The following TRIM25 variants were observed in gnomAD, a reference collection of about 807,000 sequenced individuals.
TRIM25 encodes tripartite motif containing 25.
Under a neutral mutation model 65.2 loss-of-function variants are expected in TRIM25, and 45 were observed. The observed-to-expected ratio is 0.69, with a 90% CI of 0.54 to 0.89. TRIM25 has a LOEUF of 0.89. TRIM25 is among the 40% of genes least tolerant of loss of function. The pLI is 0.00. For synonymous variants in TRIM25, 321 were observed against 340.4 expected (o/e 0.94, Z 0.63); for missense variants, 714 against 803.7 (o/e 0.89, Z 1.35).
intron 8 of TRIM25, among the ~76,000 whole-genome samples, chr17:56,894,248 G>A (rs902936636): frequency 2.0e-5 from 3 of 152,046 alleles, no homozygotes; most frequent in Non-Finnish European, 4.4e-5. Context: ...GGGGTTTTTT[G>A]TTTGTTTGTT....
intron 2 of TRIM25, among the ~76,000 whole-genome samples, chr17:56,907,360 C>A (rs574907423): frequency 6.6e-6 from 1 of 152,312 alleles, no homozygotes; most frequent in South Asian, 2.1e-4. Context: ...GTCTCACAGT[C>A]ATCTTCAGAA....
Position 56,895,972 on chromosome 17 carries a change from GATTTA to G in TRIM25, c.1154-25_1154-21del. 6.2e-7 allele frequency: 1 copy of G among 1,610,250 alleles called. No homozygotes were observed. On this transcript the variant is annotated intron_variant, in intron 5 of 8. Coordinates refer to ENST00000316881, the MANE Select transcript of TRIM25 (RefSeq NM_005082.5). ...CCTCTTCTGCAAAAGAAAGTTTTCA[GATTTA>G]ATTTCTTTTAAGGCACAACACAATG...
rs1909130854 is a variant in TRIM25, at chr17:56,889,802, A to G, written c.*1898T>C. 1 of 398,650 alleles carries G rather than the reference A, an allele frequency of 2.5e-6. No individual in the cohort carries two copies. Among genetic ancestry groups the G allele is most frequent in the Non-Finnish European group, 4.4e-6 (1 of 226,072 alleles). The allele number at this position is 398,650 out of a possible 1,614,324, so 24.7% of individuals were successfully genotyped here. A position where few individuals can be genotyped will look rare whatever the true frequency, so the allele number is the denominator to read the frequency against. ...ACAAGGCTTTCGTTTCAGAAAATCA[A>G]TGAAGATGCTTTTGATCATCTTCAA... is the stretch of plus-strand genomic sequence containing the variant. On this transcript the variant is annotated 3_prime_UTR_variant, in exon 9 of 9. Transcript: ENST00000316881.
At chr17:56,899,756 G>A (rs1272982545) in intron 4 of TRIM25, among the ~76,000 whole-genome samples, 1 of 152,242 alleles carries the variant, frequency 6.6e-6, no homozygotes, top group African/African-American at 2.4e-5. Context: ...GCCAGGCTCT[G>A]TGCTAGGCAC....
rs947546338 is a variant in TRIM25 at position 56,890,816 on chromosome 17, C to G, written c.*884G>C. 5 of 456,654 alleles carry G rather than the reference C, an allele frequency of 1.1e-5. No individual in the cohort carries two copies. Among genetic ancestry groups the G allele is most frequent in the Non-Finnish European group, 1.8e-5 (4 of 226,970 alleles). The allele number at this position is 456,654 out of a possible 1,614,324, so 28.3% of individuals were successfully genotyped here. On this transcript the variant is annotated 3_prime_UTR_variant, in exon 9 of 9. Coordinates refer to ENST00000316881, the MANE Select transcript of TRIM25 (RefSeq NM_005082.5). ...GGCTTCTGTTGATCCAGGGCAGCATCCCCCTCGCCTGGCAGAGTTCCTTGC... is the reference window on the plus strand; with the variant it reads ...GGCTTCTGTTGATCCAGGGCAGCATGCCCCTCGCCTGGCAGAGTTCCTTGC...
chr17:56,895,065 G>A (rs561699856), intron 8 of TRIM25, among the ~76,000 whole-genome samples: 15 of 152,350 alleles, frequency 9.8e-5, no homozygotes, highest in African/African-American at 3.6e-4. Context: ...TCTCTGCAGA[G>A]GACATGCAGG....
chr17:56,906,271 A>G (rs145670150), intron 2 of TRIM25, among the ~76,000 whole-genome samples: 86 of 152,334 alleles, frequency 5.6e-4, no homozygotes, highest in Admixed American at 2.5e-3. Flanking sequence ...TCCTTCCGCT[A>G]TGGATGATCC....
At position 56,894,211 on chromosome 17, in the gene TRIM25, A is replaced by G. The variant is rs544589080; in HGVS notation, c.1363+1132T>C. Among the ~76,000 whole-genome samples, 19 of 152,314 alleles carry G rather than the reference A, an allele frequency of 1.2e-4. No individual in the cohort carries two copies. In the South Asian group the frequency reaches 3.7e-3, roughly 30 times the overall value. ...TGCCTGAGTCTGATCTTGTAGGGCT[A>G]GAACAGGGCCCAGGAATTTGGTTTT... On this transcript the variant is annotated intron_variant, in intron 8 of 8. Coordinates refer to ENST00000316881, the MANE Select transcript of TRIM25 (RefSeq NM_005082.5).
At chr17:56,895,822 C>A (rs1909281152) in intron 6 of TRIM25, 104 bp downstream of exon 6, 1 of 1,430,154 alleles carries the variant, frequency 7.0e-7, no homozygotes, top group Admixed American at 2.1e-5. Context: ...CATATAGAAC[C>A]CATCACAGAA....
At chr17:56,910,703 G>A (rs1954651531) in intron 1 of TRIM25, among the ~76,000 whole-genome samples, 1 of 152,188 alleles carries the variant, frequency 6.6e-6, no homozygotes, top group Non-Finnish European at 1.5e-5. Context: ...CTAATCAAAG[G>A]CAAAGGACTT....
In TRIM25 at chr17:56,891,878, G is replaced by A. The variant is rs750078996; in HGVS notation, c.1715C>T (p.Thr572Ile). ...HNNVEKTLPS[T>I]KATRVGVLLN... Reference sequence around the variant, plus strand: ...AAGCACGCCCACCCGCGTGGCCTTGGTGGAGGGCAGGGTTTTCTCCACGTT... The same window carrying A: ...AAGCACGCCCACCCGCGTGGCCTTGATGGAGGGCAGGGTTTTCTCCACGTT... Residue 572 changes from threonine to isoleucine, a missense_variant, in exon 9 of 9, where the codon ACC (threonine) becomes ATC (isoleucine). Physicochemically the swap from Thr to Ile is moderately conservative, Grantham distance 89. Transcript: ENST00000316881. 3.1e-6 allele frequency: 5 copies of A among 1,614,246 alleles called. No individual in the cohort carries two copies. The highest frequency in any genetic ancestry group is 3.4e-6 in the Non-Finnish European group (4 of 1,180,044).
intron 2 of TRIM25, among the ~76,000 whole-genome samples, chr17:56,906,470 A>G (rs907538019): frequency 2.0e-5 from 3 of 152,074 alleles, no homozygotes; most frequent in African/African-American, 7.3e-5. Flanking sequence ...AGACTGGAAA[A>G]GAGGAATTCA....
At chr17:56,907,879 G>C (rs1036435476) in intron 2 of TRIM25, among the ~76,000 whole-genome samples, 1 of 152,214 alleles carries the variant, frequency 6.6e-6, no homozygotes, top group African/African-American at 2.4e-5. Flanking sequence ...ACTAAGGGAA[G>C]AAGAGACAGG....
chr17:56,904,222 AAAAAC>A, intron 3 of TRIM25, 28 bp downstream of exon 3: 1 of 1,571,696 alleles, frequency 6.4e-7, no homozygotes, highest in Middle Eastern at 1.7e-4. Flanking sequence ...AAAAAAAAAA[AAAAAC>A]ATTCAACAAT....
intron 5 of TRIM25, 156 bp downstream of exon 5, chr17:56,898,959 G>T: frequency 1.4e-6 from 1 of 731,232 alleles, no homozygotes; most frequent in Non-Finnish European, 2.3e-6. Flanking sequence ...TTCTGCCACA[G>T]CCCTACAGCC....
rs1290654156 is a variant in TRIM25, at chr17:56,913,968, CA to C, written c.20del (p.Leu7ArgfsTer31). ...AGATGGAGCACGACAGCTCCTCGGCCAGGGGGCACAGCTCTGCCATGGCGCT... is the reference window on the plus strand; with the variant it reads ...AGATGGAGCACGACAGCTCCTCGGCCGGGGGCACAGCTCTGCCATGGCGCT... MAELCP[L>X]AEELSCSICL... On this transcript the variant is annotated frameshift_variant, in exon 1 of 9. Transcript: ENST00000316881. LOFTEE classifies it high-confidence loss of function. This position sits in a 1 kb window ranked among gnomAD's most constrained non-coding sequence, Gnocchi z 6.1. 7.6e-6 allele frequency: 12 copies of C among 1,576,910 alleles called. No individual in the cohort carries two copies. The highest frequency in any genetic ancestry group is 1.0e-5 in the Non-Finnish European group (12 of 1,159,226).
At chr17:56,894,817 G>T (rs1262399375) in intron 8 of TRIM25, among the ~76,000 whole-genome samples, 1 of 152,190 alleles carries the variant, frequency 6.6e-6, no homozygotes, top group Non-Finnish European at 1.5e-5. Flanking sequence ...GCGAGGAAGG[G>T]GGCACAGTAG....
rs1211038190 is a variant in TRIM25, at chr17:56,897,745, C to T, written c.1153+1370G>A. On this transcript the variant is annotated intron_variant, in intron 5 of 8. Coordinates refer to ENST00000316881, the MANE Select transcript of TRIM25 (RefSeq NM_005082.5). ...AACACACCTGCCTGCTGGCCGGCAT[C>T]CCTACCTCATTCATACTAAGGGAGG... 5.9e-5 allele frequency among the ~76,000 whole-genome samples: 9 copies of T among 152,318 alleles called. No homozygotes were observed. In the South Asian group the frequency reaches 1.0e-3, roughly 18 times the overall value.
intron 8 of TRIM25, among the ~76,000 whole-genome samples, chr17:56,893,904 G>A (rs1050772048): frequency 1.3e-5 from 2 of 152,198 alleles, no homozygotes; most frequent in African/African-American, 4.8e-5. Context: ...AGCTGCCTGG[G>A]TCAAGGGCAG....
Sources: gnomAD v4.1 joint callset for allele counts (sites outside exome capture counted in the v4.1 genomes callset) on GRCh38, gnomAD v4.1.1 for gene constraint, Gnocchi (gnomAD v3.1) non-coding constraint, MANE v1.5 for transcripts, NCBI Gene and HGNC (gene_info 2026-07-23, HGNC 2026-07-21) for gene names.